Variants in PCDHA10 observed in about 807,000 individuals in gnomAD.
PCDHA10 encodes the protein protocadherin alpha 10.
In PCDHA10, 45 loss-of-function variants were observed where a neutral mutation model predicts 61.2. The observed-to-expected ratio is 0.74, with a 90% CI of 0.58 to 0.94. The LOEUF is 0.94. Ranked by LOEUF, PCDHA10 falls within the 40% of genes least tolerant of loss-of-function variation. The probability of loss-of-function intolerance (pLI) is 0.00; values close to 1 mark genes in which losing one functional copy is unlikely to be tolerated. For synonymous variants in PCDHA10, 602 were observed against 548.8 expected, an observed-to-expected ratio of 1.10 and a Z score of -1.35; for missense variants, 1,278 against 1,236.2, an observed-to-expected ratio of 1.03 and a Z score of -0.51.
At chr5:140,977,284 G>T (rs1377580391) in intron 1 of PCDHA10, among the ~76,000 whole-genome samples, 1 of 152,210 alleles carries the variant, frequency 6.6e-6, no homozygotes, top group Admixed American at 6.5e-5. Flanking sequence ...TCAAAGGAAG[G>T]TTCTCTCAGC....
At position 140,859,135 on chromosome 5, in the gene PCDHA10, A is replaced by G. The variant is rs571097776; in HGVS notation, c.2388+699A>G. On this transcript the variant is annotated intron_variant, in intron 1 of 3. Coordinates refer to ENST00000307360, the MANE Select transcript of PCDHA10 (RefSeq NM_018901.4). Reference sequence around the variant, plus strand: ...AAATGTATGTTTCTTTTATTTACATAATTTTATCCAGTAGCTCTTCATTAT... The same window carrying G: ...AAATGTATGTTTCTTTTATTTACATGATTTTATCCAGTAGCTCTTCATTAT... The G allele has an allele frequency of 4.0e-5, 6 of 150,216 alleles. No homozygotes were observed. In the East Asian group the frequency reaches 1.2e-3, roughly 29 times the overall value. 9.3% of individuals were successfully genotyped at this position (150,216 alleles called of 1,614,324 possible). A position where few individuals can be genotyped will look rare whatever the true frequency, so the allele number is the denominator to read the frequency against.
intron 1 of PCDHA10, among the ~76,000 whole-genome samples, chr5:140,940,102 T>C (rs1372400488): frequency 2.0e-5 from 3 of 152,228 alleles, no homozygotes; most frequent in African/African-American, 7.2e-5. Context: ...ACTTTTAGCG[T>C]TATGTATTAT....
chr5:140,954,824 C>T (rs1167171102), intron 1 of PCDHA10, among the ~76,000 whole-genome samples: 2 of 152,068 alleles, frequency 1.3e-5, no homozygotes, highest in Non-Finnish European at 2.9e-5. Flanking sequence ...GCTTTAGGCA[C>T]TTTTGTCATG....
In PCDHA10 at chr5:140,888,611, G is replaced by C. The variant is rs1554183538; in HGVS notation, c.2388+30175G>C. Reference sequence around the variant, plus strand: ...CACATTCAGAGCAGCTTTTAGTGTAGCACTAATTCGGCCTTCTATTACAGC... The same window carrying C: ...CACATTCAGAGCAGCTTTTAGTGTACCACTAATTCGGCCTTCTATTACAGC... On this transcript the variant is annotated intron_variant, in intron 1 of 3. Transcript: ENST00000307360. Among the ~76,000 whole-genome samples the C allele has an allele frequency of 2.0e-5, 3 of 152,144 alleles. No homozygotes were observed. In the East Asian group the frequency reaches 5.8e-4, roughly 29 times the overall value.
intron 1 of PCDHA10, chr5:140,884,030 G>A: frequency 6.2e-7 from 1 of 1,613,438 alleles, no homozygotes; most frequent in Non-Finnish European, 8.5e-7. Flanking sequence ...GGTGGGTGCA[G>A]GCCACGTGGT....
chr5:140,949,529 T>C (rs2094389085), intron 1 of PCDHA10, among the ~76,000 whole-genome samples: 1 of 151,910 alleles, frequency 6.6e-6, no homozygotes, highest in South Asian at 2.1e-4. Flanking sequence ...TTTATCTTCA[T>C]AAAATATCGA....
Position 140,917,790 on chromosome 5 carries a change from A to G in PCDHA10, c.2388+59354A>G, listed in dbSNP as rs540599117. The stretch of plus-strand genomic sequence containing the variant: ...GTATTAGTACCATGTTGTTTTGGTT[A>G]CTGTAGCCTTGCAGTATAGTTGAAG... On this transcript the variant is annotated intron_variant, in intron 1 of 3. Coordinates refer to ENST00000307360, the MANE Select transcript of PCDHA10 (RefSeq NM_018901.4). Among the ~76,000 whole-genome samples the G allele has an allele frequency of 4.6e-5, 7 of 152,046 alleles. No homozygotes were observed. In the East Asian group the frequency reaches 1.2e-3, roughly 25 times the overall value.
In PCDHA10 at chr5:140,973,293, A is replaced by G. The variant is rs150966135; in HGVS notation, c.2389-5656A>G. Among the ~76,000 whole-genome samples, 103 of 152,230 alleles carry G rather than the reference A, an allele frequency of 6.8e-4. No homozygotes were observed. The East Asian group carries it at 0.019, about 27-fold the overall frequency. On this transcript the variant is annotated intron_variant, in intron 1 of 3. Transcript: ENST00000307360. ...TATTTCCCCCAGCACTGATTTTTCT[A>G]TCTGATGACTCTATCCTGGAACAGA...
chr5:140,982,789 G>A (rs894929116), intron 3 of PCDHA10, among the ~76,000 whole-genome samples: 3 of 151,400 alleles, frequency 2.0e-5, no homozygotes, highest in Admixed American at 6.5e-5. Context: ...GTGCACGCAT[G>A]TGTGCATGTG....
chr5:140,870,892 G>T, intron 1 of PCDHA10: 4 of 1,613,960 alleles, frequency 2.5e-6, no homozygotes, highest in Non-Finnish European at 3.4e-6. Flanking sequence ...GCGCGCAGTG[G>T]ATGCGGACTC....
intron 1 of PCDHA10, among the ~76,000 whole-genome samples, chr5:140,912,566 T>G (rs1562988008): frequency 2.0e-5 from 3 of 152,178 alleles, no homozygotes; most frequent in Admixed American, 1.3e-4. Context: ...CAGTTTTAAC[T>G]TCCTCTTTTC....
At chr5:140,984,680 AT>A (rs1180119303) in intron 3 of PCDHA10, among the ~76,000 whole-genome samples, 1 of 152,158 alleles carries the variant, frequency 6.6e-6, no homozygotes, top group East Asian at 1.9e-4. Context: ...TTAGGACTCA[AT>A]ATATGTTCTG....
chr5:140,922,409 C>A (rs1335922543), intron 1 of PCDHA10, among the ~76,000 whole-genome samples: 2 of 152,154 alleles, frequency 1.3e-5, no homozygotes, highest in Non-Finnish European at 2.9e-5. Context: ...TTAAAAAGAT[C>A]TAGGTACAGA....
chr5:140,858,360 G>T lies in PCDHA10; in HGVS notation c.2312G>T (p.Ser771Ile). The change falls in exon 1 of 4, where the codon AGC (serine) becomes ATC (isoleucine). Residue 771 changes from serine (S) to isoleucine (I), a missense_variant. By Grantham distance (142) the Ser-to-Ile change is moderately radical. Transcript: ENST00000307360. ...GLPKADLMAF[S>I]PSLPPCPMVD... ...CCCAAGGCGGACCTCATGGCCTTCAGCCCCAGCCTTCCACCATGCCCAATG... is the reference window on the plus strand; with the variant it reads ...CCCAAGGCGGACCTCATGGCCTTCATCCCCAGCCTTCCACCATGCCCAATG... 1 of 1,592,532 alleles carries T rather than the reference G, an allele frequency of 6.3e-7. No homozygotes were observed. Among genetic ancestry groups the T allele is most frequent in the Non-Finnish European group, 8.6e-7 (1 of 1,164,218 alleles).
intron 1 of PCDHA10, among the ~76,000 whole-genome samples, chr5:140,952,723 A>G (rs979234260): frequency 6.6e-6 from 1 of 152,168 alleles, no homozygotes; most frequent in Non-Finnish European, 1.5e-5. Flanking sequence ...AATTTTCTGT[A>G]CTAGTCTTTT....
intron 1 of PCDHA10, among the ~76,000 whole-genome samples, chr5:140,948,721 A>G (rs1392170905): frequency 2.0e-5 from 3 of 151,530 alleles, no homozygotes; most frequent in African/African-American, 7.2e-5. Flanking sequence ...CTTTTTTATC[A>G]ATAAGTCTAG....
chr5:140,891,123 T>G (rs2153433075), intron 1 of PCDHA10, among the ~76,000 whole-genome samples: 1 of 152,342 alleles, frequency 6.6e-6, no homozygotes, highest in East Asian at 1.9e-4. Context: ...AATCTAAATG[T>G]CATTCCTTTA....
rs782344407 is a variant in PCDHA10 at position 140,928,808 on chromosome 5, G to T, written c.2389-50141G>T. 3.7e-6 allele frequency: 6 copies of T among 1,614,062 alleles called. No homozygotes were observed. In the Admixed American group the frequency reaches 1.0e-4, roughly 27 times the overall value. The stretch of plus-strand genomic sequence containing the variant: ...AAGCAGAGGGTGGTGGTAGTGGTTC[G>T]GGACCATGGAGACCCACCACTTTCC... On this transcript the variant is annotated intron_variant, in intron 1 of 3. Coordinates refer to ENST00000307360, the MANE Select transcript of PCDHA10 (RefSeq NM_018901.4).
chr5:140,873,286 A>C (rs1337353218), intron 1 of PCDHA10, among the ~76,000 whole-genome samples: 3 of 152,246 alleles, frequency 2.0e-5, no homozygotes, highest in African/African-American at 7.2e-5. Flanking sequence ...ACCACTTATG[A>C]AACTTTATAA....
Sources: gnomAD v4.1 joint callset for allele counts (sites outside exome capture counted in the v4.1 genomes callset) on GRCh38, gnomAD v4.1.1 for gene constraint, MANE v1.5 for transcripts, NCBI Gene and HGNC (gene_info 2026-07-23, HGNC 2026-07-21) for gene names.